PCCA: variants seen among roughly 807,000 people sequenced by gnomAD.
The protein encoded by PCCA is propionyl-CoA carboxylase subunit alpha, also known as propionyl-CoA carboxylase alpha chain, mitochondrial.
A neutral mutation model predicts 101.3 loss-of-function variants in PCCA; 74 were observed. The observed-to-expected ratio is 0.73, with a 90% CI of 0.61 to 0.89. PCCA has a LOEUF of 0.89. PCCA is among the 40% of genes least tolerant of loss of function. PCCA has a pLI of 0.00. For synonymous variants in PCCA, 294 were observed against 313.6 expected, an observed-to-expected ratio of 0.94 and a Z score of 0.66; for missense variants, 891 against 907.0, an observed-to-expected ratio of 0.98 and a Z score of 0.23.
chr13:100,415,574 T>C (rs2078309829), intron 19 of PCCA, among the ~76,000 whole-genome samples: 1 of 152,220 alleles, frequency 6.6e-6, no homozygotes, highest in Non-Finnish European at 1.5e-5. Context: ...ATCCTTCATA[T>C]CATCTTCAGA....
rs142050446 is a variant in PCCA, at chr13:100,376,580, G to A, written c.1746+8006G>A. On this transcript the variant is annotated intron_variant, in intron 19 of 23. Coordinates refer to ENST00000376285, the MANE Select transcript of PCCA (RefSeq NM_000282.4). ...GAGGAATCTAGAGAGACAGTCTGGC[G>A]ACAGCGGCTTTACCAAGCTGCCATG... 3.8e-3 allele frequency among the ~76,000 whole-genome samples: 579 copies of A among 152,292 alleles called. 8 individuals are homozygous for A. The highest frequency in any genetic ancestry group is 3.5e-3 in the Non-Finnish European group (237 of 68,018).
chr13:100,129,491 CT>C (rs887909490), intron 4 of PCCA, among the ~76,000 whole-genome samples: 7 of 152,112 alleles, frequency 4.6e-5, no homozygotes, highest in African/African-American at 1.7e-4. Context: ...CTTCCTCTTC[CT>C]CTCTCTTTCC....
chr13:100,389,201 G>A (rs1176895042), intron 19 of PCCA, among the ~76,000 whole-genome samples: 1 of 152,150 alleles, frequency 6.6e-6, no homozygotes, highest in Non-Finnish European at 1.5e-5. Flanking sequence ...GAGGTGGTTA[G>A]GGGAGGCTTA....
chr13:100,444,365 G>A (rs185655542), intron 20 of PCCA, among the ~76,000 whole-genome samples: 4 of 147,182 alleles, frequency 2.7e-5, no homozygotes, highest in Admixed American at 2.1e-4. Context: ...CACCACGCCC[G>A]GCTAATTTTT....
At chr13:100,325,103 T>TA (rs943320393) in intron 16 of PCCA, among the ~76,000 whole-genome samples, 27 of 151,686 alleles carry the variant, frequency 1.8e-4, no homozygotes, top group South Asian at 4.2e-4. Context: ...AGGACCATTG[T>TA]AAAAAAAAAT....
At chr13:100,437,998 TA>T (rs1364716281) in intron 20 of PCCA, among the ~76,000 whole-genome samples, 3 of 152,094 alleles carry the variant, frequency 2.0e-5, no homozygotes, top group African/African-American at 4.8e-5. Context: ...GTAGTCATAT[TA>T]AAAAAGATGA....
At chr13:100,164,745 C>T (rs536050493) in intron 6 of PCCA, among the ~76,000 whole-genome samples, 1 of 152,270 alleles carries the variant, frequency 6.6e-6, no homozygotes, top group Admixed American at 6.5e-5. Flanking sequence ...GAGTGTGGCT[C>T]AGTGGCTTTA....
At chr13:100,390,384 T>A (rs528377642) in intron 19 of PCCA, among the ~76,000 whole-genome samples, 1 of 152,296 alleles carries the variant, frequency 6.6e-6, no homozygotes, top group South Asian at 2.1e-4. Context: ...CAAGTGGAGA[T>A]GTTTCCTGGG....
chr13:100,218,759 A>G (rs1246828615), intron 7 of PCCA, among the ~76,000 whole-genome samples: 2 of 152,222 alleles, frequency 1.3e-5, no homozygotes, highest in African/African-American at 4.8e-5. Context: ...CAATTACATT[A>G]TGTGGCAAAG....
chr13:100,523,925 C>T (rs2087507128), intron 22 of PCCA, among the ~76,000 whole-genome samples: 1 of 152,222 alleles, frequency 6.6e-6, no homozygotes, highest in Non-Finnish European at 1.5e-5. Context: ...GGAACGGGCC[C>T]CGCACATGGG....
At chr13:100,120,358 C>T (rs886248244) in intron 4 of PCCA, among the ~76,000 whole-genome samples, 4 of 151,850 alleles carry the variant, frequency 2.6e-5, no homozygotes, top group African/African-American at 7.3e-5. Flanking sequence ...TTTTCTTTTT[C>T]ATCCCTTGTA....
intron 4 of PCCA, among the ~76,000 whole-genome samples, chr13:100,146,808 G>A (rs1365065645): frequency 6.7e-6 from 1 of 148,314 alleles, no homozygotes; most frequent in African/African-American, 2.6e-5. Context: ...TGTAGTTTGT[G>A]GTATTTGTAT....
intron 18 of PCCA, among the ~76,000 whole-genome samples, chr13:100,348,060 T>C (rs1312340320): frequency 2.6e-5 from 4 of 152,204 alleles, no homozygotes; most frequent in African/African-American, 4.8e-5. Context: ...CCTTCACATT[T>C]TGGCTTTAGA....
chr13:100,416,213 G>T (rs1310956280), intron 19 of PCCA, among the ~76,000 whole-genome samples: 2 of 151,604 alleles, frequency 1.3e-5, no homozygotes, highest in Non-Finnish European at 2.9e-5. Context: ...TTCTGAGACG[G>T]AGTCTCGCTC....
intron 21 of PCCA, among the ~76,000 whole-genome samples, chr13:100,483,266 A>AG (rs1294934340): frequency 6.6e-6 from 1 of 151,626 alleles, no homozygotes; most frequent in Non-Finnish European, 1.5e-5. Flanking sequence ...AAAAAAAAAA[A>AG]GGAGCTGGGC....
At chr13:100,378,638 T>A (rs549935974) in intron 19 of PCCA, among the ~76,000 whole-genome samples, 4 of 152,250 alleles carry the variant, frequency 2.6e-5, no homozygotes, top group East Asian at 3.9e-4. Flanking sequence ...TACTGAAAAA[T>A]TTTTTTGTGT....
chr13:100,311,098 G>A (rs1200080092), intron 16 of PCCA, among the ~76,000 whole-genome samples: 1 of 151,974 alleles, frequency 6.6e-6, no homozygotes, highest in Non-Finnish European at 1.5e-5. Flanking sequence ...GTCAGGCGTG[G>A]TGGTGGGCGT....
At chr13:100,148,204 G>A (rs2052819159) in intron 4 of PCCA, among the ~76,000 whole-genome samples, 1 of 152,094 alleles carries the variant, frequency 6.6e-6, no homozygotes, top group Admixed American at 6.6e-5. Context: ...AGCCTCTTGG[G>A]TCTGCCACTG....
At chr13:100,379,735 C>T (rs1246208582) in intron 19 of PCCA, among the ~76,000 whole-genome samples, 2 of 152,080 alleles carry the variant, frequency 1.3e-5, no homozygotes, top group Admixed American at 1.3e-4. Context: ...TTTATAAAAC[C>T]ATCAGACCTC....
Sources: allele counts gnomAD v4.1 joint callset (sites outside exome capture counted in the v4.1 genomes callset), GRCh38; gene constraint gnomAD v4.1.1; transcripts MANE v1.5; gene names NCBI Gene and HGNC (gene_info 2026-07-23, HGNC 2026-07-21).